The following KCNK12 variants were observed in gnomAD, a reference collection of about 807,000 sequenced individuals.
KCNK12 encodes the protein potassium channel subfamily K member 12.
KCNK12 carries 6 observed loss-of-function variants against 25.3 expected under a neutral mutation model. The observed-to-expected ratio is 0.24, with a 90% confidence interval of 0.13 to 0.47. The LOEUF is 0.47. KCNK12 is among the 20% of genes least tolerant of loss of function. The pLI, the probability that KCNK12 is intolerant of heterozygous loss-of-function variation, is 0.99. For synonymous variants in KCNK12, 331 were observed against 311.1 expected (o/e 1.06, Z -0.67); for missense variants, 444 against 661.7 (o/e 0.67, Z 3.61).
rs1200513029 is a variant in KCNK12 at position 47,520,369 on chromosome 2, C to G, written c.*538G>C. ...TCTCATTGCATAATACTACACCATT[C>G]TCTGTGTGTAGTGGCTGTTCTATAT... On this transcript the variant is annotated 3_prime_UTR_variant, in exon 2 of 2. Transcript: ENST00000327876. The surrounding 1 kb of genome is among the most constrained non-coding windows in gnomAD (Gnocchi z 5.0). 2 of 152,280 alleles carry G rather than the reference C, an allele frequency of 1.3e-5. No homozygotes were observed. Among genetic ancestry groups the G allele is most frequent in the Non-Finnish European group, 2.9e-5 (2 of 68,094 alleles). 9.4% of individuals were successfully genotyped at this position (152,280 alleles called of 1,614,324 possible). A position where few individuals can be genotyped will look rare whatever the true frequency, so the allele number is the denominator to read the frequency against.
rs996709325 is a variant in KCNK12, at chr2:47,509,482, G to A, written c.*11425C>T. Among the ~76,000 whole-genome samples the A allele has an allele frequency of 1.1e-4, 16 of 152,258 alleles. No homozygotes were observed. The highest frequency in any genetic ancestry group is 1.3e-4 in the Admixed American group (2 of 15,292). On this transcript the variant is annotated 3_prime_UTR_variant, in exon 2 of 2. Transcript: ENST00000327876. ...TCAGCTGGCTGCCAACACGTCAGTT[G>A]TATCAGCATTAGCTGGCTGGAGGTG...
chr2:47,534,362 G>A (rs1669004593), intron 1 of KCNK12, among the ~76,000 whole-genome samples: 2 of 151,926 alleles, frequency 1.3e-5, no homozygotes, highest in South Asian at 4.2e-4. Flanking sequence ...AACCTCTCCT[G>A]GGGAGCAGCT....
intron 1 of KCNK12, among the ~76,000 whole-genome samples, chr2:47,542,902 G>A (rs1429644823): frequency 6.6e-6 from 1 of 152,176 alleles, no homozygotes; most frequent in Non-Finnish European, 1.5e-5. Context: ...ACATTGGCTT[G>A]AGAATGAGTT....
At chr2:47,559,589 A>G (rs1372195123) in intron 1 of KCNK12, among the ~76,000 whole-genome samples, 1 of 152,222 alleles carries the variant, frequency 6.6e-6, no homozygotes, top group African/African-American at 2.4e-5. Flanking sequence ...GGTTATTATC[A>G]TGTTATTAAT....
chr2:47,511,505 T>G lies in KCNK12; in HGVS notation c.*9402A>C, dbSNP rs1301908365. On this transcript the variant is annotated 3_prime_UTR_variant, in exon 2 of 2. Transcript: ENST00000327876. The surrounding 1 kb of genome is among the most constrained non-coding windows in gnomAD (Gnocchi z 4.3). ...CTGTGGTGTCTGTGGTGGGAGGGGC[T>G]TCCATATTACAGAGAGATGCCCACA... Among the ~76,000 whole-genome samples the G allele has an allele frequency of 1.3e-5, 2 of 152,214 alleles. No homozygotes were observed. Among genetic ancestry groups the G allele is most frequent in the Non-Finnish European group, 2.9e-5 (2 of 68,032 alleles).
At chr2:47,527,747 A>G (rs953967229) in intron 1 of KCNK12, 1 of 152,260 alleles carries the variant, frequency 6.6e-6, no homozygotes, top group Admixed American at 6.5e-5. Flanking sequence ...CCCTCCTCAC[A>G]AGGGTGTGGC....
At position 47,529,069 on chromosome 2, in the gene KCNK12, G is replaced by A. The variant is rs1179194446; in HGVS notation, c.392-7261C>T. On this transcript the variant is annotated intron_variant, in intron 1 of 1. Transcript: ENST00000327876. This position sits in a 1 kb window ranked among gnomAD's most constrained non-coding sequence, Gnocchi z 4.3. ...TGCCCTTTCCACTTGCCAGACAGAT[G>A]GGAAGTCTTGACTCATTACCCGCTG... 2 of 152,298 alleles carry A rather than the reference G, an allele frequency of 1.3e-5. No individual in the cohort carries two copies. The highest frequency in any genetic ancestry group is 2.1e-4 in the South Asian group (1 of 4,832). 9.4% of individuals were successfully genotyped at this position (152,298 alleles called of 1,614,324 possible).
At position 47,521,354 on chromosome 2, in the gene KCNK12, G is replaced by C; in HGVS notation, c.846C>G (p.Leu282=). Residue 282 remains leucine (L), a synonymous_variant, in exon 2 of 2, where the codon CTC becomes CTG. Transcript: ENST00000327876. ...TGCAGCACACGCCGAGCAGGATGAA[G>C]AGGAAGTTGCCCAGGCGGTAGAGCC... The part of the protein sequence containing the change: ...NQGLYRLGNF[L]FILLGVCCIY... 2 of 1,613,742 alleles carry C rather than the reference G, an allele frequency of 1.2e-6. No individual in the cohort carries two copies. Among genetic ancestry groups the C allele is most frequent in the Non-Finnish European group, 1.7e-6 (2 of 1,179,888 alleles).
chr2:47,538,900 T>C lies in KCNK12; in HGVS notation c.392-17092A>G, dbSNP rs1669134406. ...TGAGGGAGAAACATAAACTAGTAGT[T>C]TTACAAAAAGAAAAAGAAATATAAT... On this transcript the variant is annotated intron_variant, in intron 1 of 1. Transcript: ENST00000327876. The surrounding 1 kb of genome is among the most constrained non-coding windows in gnomAD (Gnocchi z 4.5). Among the ~76,000 whole-genome samples the C allele has an allele frequency of 6.6e-6, 1 of 152,150 alleles. No individual in the cohort carries two copies. The highest frequency in any genetic ancestry group is 1.5e-5 in the Non-Finnish European group (1 of 68,024).
intron 1 of KCNK12, chr2:47,527,570 C>T (rs986905012): frequency 2.0e-5 from 3 of 152,428 alleles, no homozygotes; most frequent in Non-Finnish European, 2.9e-5. Context: ...CTTGTGAGGC[C>T]AAGGCCATCT....
At chr2:47,522,423 A>G (rs992489746) in intron 1 of KCNK12, among the ~76,000 whole-genome samples, 3 of 152,222 alleles carry the variant, frequency 2.0e-5, no homozygotes, top group Non-Finnish European at 2.9e-5. Flanking sequence ...AAGTAATCTT[A>G]GTGCTGTGAC....
At position 47,562,938 on chromosome 2, in the gene KCNK12, C is replaced by T. The variant is rs538695354; in HGVS notation, c.391+7003G>A. 2 of 233,414 alleles carry T rather than the reference C, an allele frequency of 8.6e-6. No individual in the cohort carries two copies. The highest frequency in any genetic ancestry group is 1.7e-5 in the Non-Finnish European group (2 of 118,306). The allele number at this position is 233,414 out of a possible 1,614,324, so 14.5% of individuals were successfully genotyped here. A position where few individuals can be genotyped will look rare whatever the true frequency, so the allele number is the denominator to read the frequency against. ...GGCTGGTGGCCCCATGCAGAGCCCC[C>T]GACCCCGGAAAGTCAGTGGAACTGG... On this transcript the variant is annotated intron_variant, in intron 1 of 1. Coordinates refer to ENST00000327876, the MANE Select transcript of KCNK12 (RefSeq NM_022055.2). The surrounding 1 kb of genome is among the most constrained non-coding windows in gnomAD (Gnocchi z 4.8).
Position 47,557,992 on chromosome 2 carries a change from T to A in KCNK12, c.391+11949A>T, listed in dbSNP as rs1293357426. 6.6e-6 allele frequency among the ~76,000 whole-genome samples: 1 copy of A among 152,238 alleles called. No homozygotes were observed. Among genetic ancestry groups the A allele is most frequent in the Non-Finnish European group, 1.5e-5 (1 of 68,046 alleles). On this transcript the variant is annotated intron_variant, in intron 1 of 1. Transcript: ENST00000327876. The surrounding 1 kb of genome is among the most constrained non-coding windows in gnomAD (Gnocchi z 4.9). ...ACAGGAGCTTTGGAATGAATCCCTT[T>A]GAGAAGCAAAGCCTTCTTTTACAAA... is the stretch of plus-strand genomic sequence containing the variant.
rs531201856 is a variant in KCNK12 at position 47,557,831 on chromosome 2, G to A, written c.391+12110C>T. On this transcript the variant is annotated intron_variant, in intron 1 of 1. Transcript: ENST00000327876. The surrounding 1 kb of genome is among the most constrained non-coding windows in gnomAD (Gnocchi z 4.9). ...ATATTGCTCACTAATTTGATGTTAG[G>A]AACTGAGATGCCTTAGGGATTCGGG... is the stretch of plus-strand genomic sequence containing the variant. Among the ~76,000 whole-genome samples the A allele has an allele frequency of 7.2e-4, 109 of 152,272 alleles. No individual in the cohort carries two copies. Among genetic ancestry groups the A allele is most frequent in the Non-Finnish European group, 1.3e-3 (86 of 68,024 alleles).
chr2:47,521,132 G>A lies in KCNK12; in HGVS notation c.1068C>T (p.Asp356=), dbSNP rs1668643061. Residue 356 remains aspartate (D), a synonymous_variant, in exon 2 of 2, where the codon GAC becomes GAT. Coordinates refer to ENST00000327876, the MANE Select transcript of KCNK12 (RefSeq NM_022055.2). ...AALGADPAAR[D]SDAEGRRLSG... is the part of the protein sequence containing the mutation. ...AGAGGCGGCGGCCCTCGGCGTCGCT[G>A]TCGCGGGCCGCGGGGTCGGCACCGA... 5 of 1,272,576 alleles carry A rather than the reference G, an allele frequency of 3.9e-6. No homozygotes were observed. The East Asian group carries it at 1.3e-4, about 32-fold the overall frequency. 78.8% of individuals were successfully genotyped at this position (1,272,576 alleles called of 1,614,324 possible).
chr2:47,542,906 A>G (rs780889429), intron 1 of KCNK12, among the ~76,000 whole-genome samples: 15 of 152,216 alleles, frequency 9.9e-5, no homozygotes, highest in Non-Finnish European at 2.1e-4. Flanking sequence ...TGGCTTGAGA[A>G]TGAGTTCTTT....
At position 47,521,644 on chromosome 2, in the gene KCNK12, G is replaced by T. The variant is rs750008802; in HGVS notation, c.556C>A (p.Arg186Ser). ...AAGGTGGCGGGCAGCAGGCCGCTGC[G>T]GCGCAGCTGGCGCTCCCGGCAGGCG... is the stretch of plus-strand genomic sequence containing the variant. ...MRACRERQLR[R>S]SGLLPATFRR... is the part of the protein sequence containing the mutation. The change falls in exon 2 of 2, where the codon CGC (arginine) becomes AGC (serine). Residue 186 changes from arginine (R) to serine (S), a missense_variant. Arg to Ser is a moderately radical substitution (Grantham distance 110). Transcript: ENST00000327876. 2 of 1,588,244 alleles carry T rather than the reference G, an allele frequency of 1.3e-6. No homozygotes were observed. Among genetic ancestry groups the T allele is most frequent in the South Asian group, 2.3e-5 (2 of 86,830 alleles).
intron 1 of KCNK12, among the ~76,000 whole-genome samples, chr2:47,558,628 C>T (rs541143880): frequency 6.6e-6 from 1 of 152,152 alleles, no homozygotes; most frequent in Non-Finnish European, 1.5e-5. Context: ...CAGGCTCACA[C>T]GAGGCGCTCA....
intron 1 of KCNK12, among the ~76,000 whole-genome samples, chr2:47,531,620 C>T (rs1668931558): frequency 6.6e-6 from 1 of 152,150 alleles, no homozygotes; most frequent in Non-Finnish European, 1.5e-5. Flanking sequence ...AAGCCTGGCC[C>T]ATAGGAAACG....
Sources: allele counts gnomAD v4.1 joint callset (sites outside exome capture counted in the v4.1 genomes callset), GRCh38; gene constraint gnomAD v4.1.1; non-coding constraint Gnocchi (gnomAD v3.1); transcripts MANE v1.5; gene names NCBI Gene and HGNC (gene_info 2026-07-23, HGNC 2026-07-21).